NRXN3: variants seen among roughly 807,000 people sequenced by gnomAD.
The protein encoded by NRXN3 is neurexin 3.
In NRXN3, 32 loss-of-function variants were observed where a neutral mutation model predicts 137.6. The observed-to-expected ratio is 0.23, with a 90% CI of 0.18 to 0.31. The LOEUF (loss-of-function observed/expected upper bound fraction) is 0.31. NRXN3 is among the 10% of genes least tolerant of loss of function. The probability of loss-of-function intolerance (pLI) is 1.00; values close to 1 mark genes in which losing one functional copy is unlikely to be tolerated. For synonymous variants in NRXN3, 798 were observed against 784.5 expected, an observed-to-expected ratio of 1.02 and a Z score of -0.29; for missense variants, 1,574 against 2,062.5, an observed-to-expected ratio of 0.76 and a Z score of 4.59.
chr14:78,495,774 G>A (rs769351982), intron 4 of NRXN3, among the ~76,000 whole-genome samples: 2 of 152,158 alleles, frequency 1.3e-5, no homozygotes, highest in African/African-American at 4.8e-5. Flanking sequence ...AGTTAGTGAA[G>A]GTGACAGTCT....
chr14:79,786,775 A>G (rs1488863592), intron 19 of NRXN3, among the ~76,000 whole-genome samples: 2 of 152,224 alleles, frequency 1.3e-5, no homozygotes, highest in East Asian at 3.8e-4. Flanking sequence ...ATTAATGTGA[A>G]TATTCTAAGA....
At chr14:79,081,847 G>A (rs1416505895) in intron 15 of NRXN3, among the ~76,000 whole-genome samples, 1 of 152,052 alleles carries the variant, frequency 6.6e-6, no homozygotes, top group Non-Finnish European at 1.5e-5. Context: ...TATGGTTACT[G>A]TTAGGCACTG....
chr14:79,818,146 C>T (rs1042002085), intron 20 of NRXN3, among the ~76,000 whole-genome samples: 4 of 150,554 alleles, frequency 2.7e-5, no homozygotes, highest in Non-Finnish European at 5.9e-5. Flanking sequence ...CTCCGCCTCC[C>T]GGGTTCACGC....
intron 15 of NRXN3, among the ~76,000 whole-genome samples, chr14:79,092,779 G>T (rs1157384217): frequency 2.0e-5 from 3 of 152,112 alleles, no homozygotes; most frequent in Non-Finnish European, 4.4e-5. Flanking sequence ...CTCCCACCTT[G>T]CTCCATTGTT....
chr14:79,614,256 G>T (rs1456915439), intron 16 of NRXN3, among the ~76,000 whole-genome samples: 1 of 152,148 alleles, frequency 6.6e-6, no homozygotes, highest in Non-Finnish European at 1.5e-5. Flanking sequence ...AGCACAAAGG[G>T]AATAGAAGAC....
intron 16 of NRXN3, among the ~76,000 whole-genome samples, chr14:79,656,715 A>G (rs1462811857): frequency 1.3e-5 from 2 of 149,804 alleles, no homozygotes; most frequent in African/African-American, 4.9e-5. Context: ...CAGACTGTGG[A>G]TCTAATCCAC....
At chr14:78,701,994 G>C (rs1357418855) in intron 6 of NRXN3, among the ~76,000 whole-genome samples, 2 of 152,180 alleles carry the variant, frequency 1.3e-5, no homozygotes, top group Non-Finnish European at 2.9e-5. Context: ...TCAGCAGGTG[G>C]AGTTAGTTTA....
chr14:78,896,419 C>T (rs1264740817), intron 10 of NRXN3, among the ~76,000 whole-genome samples: 4 of 151,680 alleles, frequency 2.6e-5, no homozygotes, highest in South Asian at 2.1e-4. Context: ...ATTACTATTA[C>T]GTATTTTATG....
chr14:78,580,659 G>A (rs1046528797), intron 4 of NRXN3, among the ~76,000 whole-genome samples: 1 of 152,218 alleles, frequency 6.6e-6, no homozygotes, highest in Non-Finnish European at 1.5e-5. Context: ...TCATTGGAGA[G>A]GTGACTATTA....
intron 4 of NRXN3, among the ~76,000 whole-genome samples, chr14:78,333,014 C>T (rs895971713): frequency 3.9e-5 from 6 of 152,212 alleles, no homozygotes; most frequent in Admixed American, 6.5e-5. Context: ...GCAATGAGAT[C>T]GTGCATAGCT....
At chr14:78,925,469 A>G (rs775943102) in intron 10 of NRXN3, among the ~76,000 whole-genome samples, 1 of 152,190 alleles carries the variant, frequency 6.6e-6, no homozygotes, top group Non-Finnish European at 1.5e-5. Flanking sequence ...GTGCAAAACT[A>G]GGAAAATAAA....
At chr14:78,641,922 C>T (rs1386320652) in intron 4 of NRXN3, among the ~76,000 whole-genome samples, 1 of 152,142 alleles carries the variant, frequency 6.6e-6, no homozygotes, top group Non-Finnish European at 1.5e-5. Context: ...TACACTGATG[C>T]CATTTTTTCC....
chr14:79,767,764 A>T lies in NRXN3; in HGVS notation c.4015-37348A>T, dbSNP rs192102346. 4.6e-5 allele frequency among the ~76,000 whole-genome samples: 7 copies of T among 152,294 alleles called. No individual in the cohort carries two copies. The East Asian group carries it at 1.4e-3, about 29-fold the overall frequency. Reference sequence around the variant, plus strand: ...AAGTTAGAATTAGAAATCAGGGGGGAGGAGCCAAGATGGCTGAACAGGAAC... The same window carrying T: ...AAGTTAGAATTAGAAATCAGGGGGGTGGAGCCAAGATGGCTGAACAGGAAC... On this transcript the variant is annotated intron_variant, in intron 19 of 20. Transcript: ENST00000335750.
chr14:79,574,928 C>G (rs2097650313), intron 16 of NRXN3, among the ~76,000 whole-genome samples: 1 of 151,412 alleles, frequency 6.6e-6, no homozygotes, highest in Non-Finnish European at 1.5e-5. Context: ...CCCCAAACCC[C>G]TAAACTATGT....
At chr14:79,742,555 G>T (rs1194469648) in intron 19 of NRXN3, among the ~76,000 whole-genome samples, 1 of 152,050 alleles carries the variant, frequency 6.6e-6, no homozygotes, top group African/African-American at 2.4e-5. Flanking sequence ...CTAAATAAAA[G>T]TAGAAGTTGG....
intron 15 of NRXN3, among the ~76,000 whole-genome samples, chr14:79,452,429 G>A (rs1022576303): frequency 6.6e-6 from 1 of 152,134 alleles, no homozygotes; most frequent in African/African-American, 2.4e-5. Context: ...CTGTACTATT[G>A]AATCAATGCT....
chr14:79,394,258 T>C (rs1026142670), intron 15 of NRXN3, among the ~76,000 whole-genome samples: 4 of 152,120 alleles, frequency 2.6e-5, no homozygotes, highest in African/African-American at 2.4e-5. Flanking sequence ...GAAGTGCAAA[T>C]AACAATGATG....
chr14:78,757,422 A>G (rs1005028165), intron 8 of NRXN3, among the ~76,000 whole-genome samples: 2 of 151,480 alleles, frequency 1.3e-5, no homozygotes, highest in Non-Finnish European at 2.9e-5. Context: ...AAAAAAAAAA[A>G]GGATTCTGCA....
chr14:79,370,467 C>A (rs143780598), intron 15 of NRXN3, among the ~76,000 whole-genome samples: 1 of 151,440 alleles, frequency 6.6e-6, no homozygotes, highest in South Asian at 2.1e-4. Context: ...TACAGGCATG[C>A]GCTACCATGC....
Sources: allele counts gnomAD v4.1 joint callset (sites outside exome capture counted in the v4.1 genomes callset), GRCh38; gene constraint gnomAD v4.1.1; transcripts MANE v1.5; gene names NCBI Gene and HGNC (gene_info 2026-07-23, HGNC 2026-07-21).